TFPI: variants seen among roughly 807,000 people sequenced by gnomAD.
TFPI encodes anti-convertin.
TFPI carries 15 observed loss-of-function variants against 34.6 expected under a neutral mutation model. The observed-to-expected ratio is 0.43, with a 90% confidence interval of 0.29 to 0.67. TFPI has a LOEUF of 0.67. TFPI is among the 30% of genes least tolerant of loss of function. The probability of loss-of-function intolerance (pLI) is 0.15; values close to 1 mark genes in which losing one functional copy is unlikely to be tolerated. For missense variants in TFPI, 301 were observed against 364.0 expected (o/e 0.83, Z 1.41); for synonymous variants, 105 against 120.1 (o/e 0.87, Z 0.82).
intron 1 of TFPI, among the ~76,000 whole-genome samples, chr2:187,513,398 A>G (rs1007519432): frequency 2.0e-5 from 3 of 152,244 alleles, no homozygotes; most frequent in Non-Finnish European, 4.4e-5. Context: ...TAAGTTTAAC[A>G]TTAATAACAC....
intron 1 of TFPI, among the ~76,000 whole-genome samples, chr2:187,550,684 A>G (rs1689064523): frequency 6.6e-6 from 1 of 152,204 alleles, no homozygotes; most frequent in South Asian, 2.1e-4. Context: ...AGTATTTTCC[A>G]TATGTCCAAA....
At chr2:187,528,839 A>AT (rs1399029365) in intron 1 of TFPI, among the ~76,000 whole-genome samples, 1 of 150,506 alleles carries the variant, frequency 6.6e-6, no homozygotes, top group Admixed American at 6.7e-5. Flanking sequence ...ATGCTGTCAG[A>AT]TTTTTTAAGA....
At chr2:187,534,417 A>G (rs529790171) in intron 1 of TFPI, among the ~76,000 whole-genome samples, 11 of 152,226 alleles carry the variant, frequency 7.2e-5, no homozygotes, top group Non-Finnish European at 1.6e-4. Flanking sequence ...CCAATATTCC[A>G]CATTCTTAAA....
In TFPI at chr2:187,522,991, T is replaced by A. The variant is rs545689675; in HGVS notation, c.-2-19221A>T. The stretch of plus-strand genomic sequence containing the variant: ...GTGTTGAATATGTCTATTATTTTGA[T>A]TGTGTTGATGGGTATTTATTTGCAT... On this transcript the variant is annotated intron_variant, in intron 1 of 7. Transcript: ENST00000233156. Among the ~76,000 whole-genome samples the A allele has an allele frequency of 3.1e-4, 47 of 152,070 alleles. No individual in the cohort carries two copies. In the South Asian group the frequency reaches 7.7e-3, roughly 25 times the overall value.
chr2:187,546,167 A>C (rs548942015), intron 1 of TFPI, among the ~76,000 whole-genome samples: 47 of 152,258 alleles, frequency 3.1e-4, no homozygotes, highest in African/African-American at 7.2e-4. Flanking sequence ...GTTTCTTTTT[A>C]TAGTAATGAA....
chr2:187,478,644 T>C lies in TFPI; in HGVS notation c.628+5480A>G, dbSNP rs780792657. ...CTATCAAAGGCATCACGTATACATATAAATATTAAGGAAATGCCAAAAGCA... is the reference window on the plus strand; with the variant it reads ...CTATCAAAGGCATCACGTATACATACAAATATTAAGGAAATGCCAAAAGCA... On this transcript the variant is annotated intron_variant, in intron 6 of 7. Transcript: ENST00000233156. 5.6e-6 allele frequency: 9 copies of C among 1,607,670 alleles called. No homozygotes were observed. The East Asian group carries it at 1.1e-4, about 20-fold the overall frequency.
intron 3 of TFPI, among the ~76,000 whole-genome samples, chr2:187,495,504 C>A (rs1685416440): frequency 6.6e-6 from 1 of 152,160 alleles, no homozygotes; most frequent in East Asian, 1.9e-4. Flanking sequence ...AGTAACATTC[C>A]TAGGGCATCT....
Position 187,503,779 on chromosome 2 carries a change from C to T in TFPI, c.-2-9G>A. 3 of 1,611,626 alleles carry T rather than the reference C, an allele frequency of 1.9e-6. No homozygotes were observed. The highest frequency in any genetic ancestry group is 2.2e-5 in the South Asian group (2 of 90,910). ...CATTGTGTAAATCATCTCTGAAATA[C>T]AGAACCCATACATATCTAATAAATA... is the stretch of plus-strand genomic sequence containing the variant. On this transcript the variant is annotated splice_polypyrimidine_tract_variant and intron_variant, in intron 1 of 7. Transcript: ENST00000233156.
At chr2:187,550,803 A>G (rs1689069304) in intron 1 of TFPI, among the ~76,000 whole-genome samples, 1 of 152,148 alleles carries the variant, frequency 6.6e-6, no homozygotes, top group Admixed American at 6.6e-5. Flanking sequence ...TATTACCAAA[A>G]TATTCATAAT....
At position 187,484,299 on chromosome 2, in the gene TFPI, A is replaced by C. The variant is rs556161161; in HGVS notation, c.536-83T>G. 10 of 1,168,636 alleles carry C rather than the reference A, an allele frequency of 8.6e-6. No homozygotes were observed. In the African/African-American group the frequency reaches 9.3e-5, roughly 11 times the overall value. 72.4% of individuals were successfully genotyped at this position (1,168,636 alleles called of 1,614,324 possible). ...ACTCATGAAGCGTACAACAGTTAAA[A>C]AAGCAGACTTCTGGCAATTTCATTC... On this transcript the variant is annotated intron_variant, in intron 5 of 7. Coordinates refer to ENST00000233156, the MANE Select transcript of TFPI (RefSeq NM_006287.6).
At chr2:187,537,989 C>A (rs1392977610) in intron 1 of TFPI, among the ~76,000 whole-genome samples, 1 of 152,194 alleles carries the variant, frequency 6.6e-6, no homozygotes, top group Non-Finnish European at 1.5e-5. Context: ...AATAAAAGCT[C>A]ATTATCACTG....
intron 1 of TFPI, chr2:187,514,472 C>G (rs746865834): frequency 6.6e-6 from 1 of 152,244 alleles, no homozygotes; most frequent in Non-Finnish European, 1.5e-5. Context: ...AGGGCCATCC[C>G]GCTTCCGTCT....
At chr2:187,531,743 T>C (rs1687968885) in intron 1 of TFPI, among the ~76,000 whole-genome samples, 2 of 152,152 alleles carry the variant, frequency 1.3e-5, no homozygotes, top group Non-Finnish European at 2.9e-5. Context: ...AATAGTTTAT[T>C]TTTCATGTAA....
At chr2:187,541,676 C>G (rs1013823504) in intron 1 of TFPI, among the ~76,000 whole-genome samples, 13 of 152,164 alleles carry the variant, frequency 8.5e-5, no homozygotes. Context: ...GAAGCAAGCA[C>G]TCTCCTGAAC....
At chr2:187,518,292 C>G (rs958132808) in intron 1 of TFPI, 3 of 152,162 alleles carry the variant, frequency 2.0e-5, no homozygotes, top group African/African-American at 7.2e-5. Context: ...TTGTTCTTTT[C>G]CATGTTTAGT....
chr2:187,515,747 T>G (rs1425714422), intron 1 of TFPI: 1 of 152,230 alleles, frequency 6.6e-6, no homozygotes, highest in Non-Finnish European at 1.5e-5. Flanking sequence ...AGTTCTATTA[T>G]TTTATGGTTA....
Position 187,484,181 on chromosome 2 carries a change from G to T in TFPI, c.571C>A (p.Leu191Ile), listed in dbSNP as rs2106011879. 6.2e-7 allele frequency: 1 copy of T among 1,612,252 alleles called. No homozygotes were observed. The highest frequency in any genetic ancestry group is 8.5e-7 in the Non-Finnish European group (1 of 1,178,792). Residue 191 changes from leucine (L) to isoleucine (I), a missense_variant, in exon 6 of 8, where the codon CTC (leucine) becomes ATC (isoleucine). Leu to Ile is a conservative substitution (Grantham distance 5). Coordinates refer to ENST00000233156, the MANE Select transcript of TFPI (RefSeq NM_006287.6). Reference protein sequence around the residue: ...GFQVDNYGTQLNAVNNSLTPQ... With the variant: ...GFQVDNYGTQINAVNNSLTPQ... ...GTCAGGGAGTTATTCACAGCATTGA[G>T]CTGGGTTCCATAATTATCCACCTGG...
At position 187,496,863 on chromosome 2, in the gene TFPI, G is replaced by T; in HGVS notation, c.319+18C>A. 1 of 1,610,968 alleles carries T rather than the reference G, an allele frequency of 6.2e-7. No individual in the cohort carries two copies. The highest frequency in any genetic ancestry group is 1.1e-5 in the South Asian group (1 of 90,786). Reference sequence around the variant, plus strand: ...AGCCCTAAAGGGTCTTGAGTAATAAGGGTTCCCAGAAACCTACCTCTTGTA... The same window carrying T: ...AGCCCTAAAGGGTCTTGAGTAATAATGGTTCCCAGAAACCTACCTCTTGTA... On this transcript the variant is annotated intron_variant, in intron 3 of 7. Transcript: ENST00000233156.
chr2:187,522,504 TAAC>T (rs1050939893), intron 1 of TFPI, among the ~76,000 whole-genome samples: 3 of 151,958 alleles, frequency 2.0e-5, no homozygotes, highest in Admixed American at 6.6e-5. Flanking sequence ...TGTTTATTGT[TAAC>T]AACATGGTAT....
Sources: allele counts gnomAD v4.1 joint callset (sites outside exome capture counted in the v4.1 genomes callset), GRCh38; gene constraint gnomAD v4.1.1; transcripts MANE v1.5; gene names NCBI Gene and HGNC (gene_info 2026-07-23, HGNC 2026-07-21).